TMEFF2: variants seen among roughly 807,000 people sequenced by gnomAD.
The protein encoded by TMEFF2 is transmembrane protein with EGF like and two follistatin like domains 2, also known as tomoregulin-2.
A neutral mutation model predicts 53.8 loss-of-function variants in TMEFF2; 28 were observed. The ratio of observed to expected loss-of-function variants is 0.52; its 90% CI spans 0.39 to 0.71. The LOEUF is 0.71. TMEFF2 is among the 30% of genes least tolerant of loss of function. TMEFF2 has a pLI of 0.00. For synonymous variants in TMEFF2, 162 were observed against 166.3 expected (o/e 0.97, Z 0.20); for missense variants, 353 against 455.2 (o/e 0.78, Z 2.04).
intron 4 of TMEFF2, among the ~76,000 whole-genome samples, chr2:192,071,923 ATGATAG>A (rs1163632807): frequency 6.6e-6 from 1 of 151,964 alleles, no homozygotes; most frequent in African/African-American, 2.4e-5. Context: ...ACTGAGAAAA[ATGATAG>A]TGATGTGGAG....
intron 5 of TMEFF2, among the ~76,000 whole-genome samples, chr2:192,056,515 A>G (rs749676889): frequency 2.6e-5 from 4 of 152,198 alleles, no homozygotes; most frequent in Non-Finnish European, 5.9e-5. Flanking sequence ...TGAGTTATTC[A>G]CTTTTCAATG....
intron 4 of TMEFF2, among the ~76,000 whole-genome samples, chr2:192,061,753 G>C (rs1688049489): frequency 6.6e-6 from 1 of 152,088 alleles, no homozygotes; most frequent in Non-Finnish European, 1.5e-5. Flanking sequence ...ATGGCTTAGG[G>C]CCATACCCTT....
At chr2:191,966,818 A>T (rs1042501016) in intron 7 of TMEFF2, among the ~76,000 whole-genome samples, 2 of 152,200 alleles carry the variant, frequency 1.3e-5, no homozygotes, top group Non-Finnish European at 2.9e-5. Flanking sequence ...ATACTTGATG[A>T]TACTGTGATA....
chr2:191,980,061 T>G (rs1170365707), intron 7 of TMEFF2, among the ~76,000 whole-genome samples: 1 of 152,202 alleles, frequency 6.6e-6, no homozygotes, highest in Non-Finnish European at 1.5e-5. Flanking sequence ...AAATAATTAC[T>G]GAGAGTCTAC....
At chr2:192,134,708 C>T (rs1388220705) in intron 4 of TMEFF2, among the ~76,000 whole-genome samples, 2 of 152,198 alleles carry the variant, frequency 1.3e-5, no homozygotes, top group African/African-American at 4.8e-5. Flanking sequence ...TCTAAGTAGA[C>T]ACTTTCACTA....
chr2:191,994,943 T>C (rs897493002), intron 7 of TMEFF2, among the ~76,000 whole-genome samples: 4 of 151,962 alleles, frequency 2.6e-5, no homozygotes, highest in African/African-American at 9.7e-5. Context: ...AGAATAGAGA[T>C]CCAAATCAAA....
At chr2:191,978,141 T>G (rs1014227069) in intron 7 of TMEFF2, among the ~76,000 whole-genome samples, 2 of 152,168 alleles carry the variant, frequency 1.3e-5, no homozygotes, top group African/African-American at 4.8e-5. Flanking sequence ...AGGGATTTGT[T>G]TGGGTTCCTT....
chr2:191,991,895 A>G (rs558344056), intron 7 of TMEFF2, among the ~76,000 whole-genome samples: 1 of 152,246 alleles, frequency 6.6e-6, no homozygotes, highest in South Asian at 2.1e-4. Flanking sequence ...TGAACATAAC[A>G]TAATATTACA....
At chr2:192,137,337 G>C (rs2105985663) in intron 4 of TMEFF2, among the ~76,000 whole-genome samples, 1 of 152,270 alleles carries the variant, frequency 6.6e-6, no homozygotes, top group Non-Finnish European at 1.5e-5. Context: ...AAAAGGCCTG[G>C]GGCAGAAAAG....
intron 4 of TMEFF2, among the ~76,000 whole-genome samples, chr2:192,080,612 TG>T (rs1316841011): frequency 1.3e-5 from 2 of 152,208 alleles, no homozygotes; most frequent in Non-Finnish European, 2.9e-5. Flanking sequence ...TAAGTCAATT[TG>T]ATATTTCCAG....
chr2:192,120,778 C>G (rs1689532413), intron 4 of TMEFF2, among the ~76,000 whole-genome samples: 1 of 151,900 alleles, frequency 6.6e-6, no homozygotes, highest in Admixed American at 6.6e-5. Flanking sequence ...GCTCTGTCGC[C>G]CAGGCTGGAG....
chr2:192,102,956 G>A (rs1689067399), intron 4 of TMEFF2, among the ~76,000 whole-genome samples: 1 of 151,156 alleles, frequency 6.6e-6, no homozygotes, highest in Non-Finnish European at 1.5e-5. Context: ...TTTTCTATGA[G>A]CATTCCGTGG....
At chr2:192,020,379 T>C (rs577432216) in intron 5 of TMEFF2, among the ~76,000 whole-genome samples, 2 of 152,242 alleles carry the variant, frequency 1.3e-5, no homozygotes, top group South Asian at 2.1e-4. Context: ...CGTTATTTCA[T>C]GAACATTTTC....
rs542583723 is a variant in TMEFF2, at chr2:192,109,236, TGA to T, written c.440-51463_440-51462del. ...AACAATATGAAATAAATAATTAGTA[TGA>T]GAGTTCATGTACTATATTCTTATTT... On this transcript the variant is annotated intron_variant, in intron 4 of 9. Coordinates refer to ENST00000272771, the MANE Select transcript of TMEFF2 (RefSeq NM_016192.4). Among the ~76,000 whole-genome samples the T allele has an allele frequency of 1.5e-3, 222 of 152,182 alleles. 1 individual carries two copies. The highest frequency in any genetic ancestry group is 5.1e-3 in the African/African-American group (214 of 41,564).
intron 4 of TMEFF2, among the ~76,000 whole-genome samples, chr2:192,160,444 C>G (rs564480808): frequency 6.6e-6 from 1 of 152,152 alleles, no homozygotes; most frequent in East Asian, 1.9e-4. Context: ...CAACTCTGGA[C>G]TAAGAAACTG....
At chr2:192,166,090 G>A (rs373840802) in intron 4 of TMEFF2, among the ~76,000 whole-genome samples, 96 of 152,276 alleles carry the variant, frequency 6.3e-4, no homozygotes, top group African/African-American at 2.2e-3. Flanking sequence ...GGGAGTATAG[G>A]TGTGTTGAGC....
intron 7 of TMEFF2, among the ~76,000 whole-genome samples, chr2:191,963,744 AT>A (rs1692336118): frequency 2.0e-5 from 3 of 152,202 alleles, no homozygotes; most frequent in African/African-American, 4.8e-5. Context: ...CGCTAAAGCT[AT>A]TGGTTGTCGC....
chr2:192,092,122 T>C (rs1371336682), intron 4 of TMEFF2, among the ~76,000 whole-genome samples: 2 of 152,146 alleles, frequency 1.3e-5, no homozygotes, highest in Non-Finnish European at 2.9e-5. Context: ...ACTGGCTAGA[T>C]ATTATATTCA....
At chr2:192,013,807 G>A (rs1204104952) in intron 5 of TMEFF2, among the ~76,000 whole-genome samples, 1 of 152,140 alleles carries the variant, frequency 6.6e-6, no homozygotes, top group Non-Finnish European at 1.5e-5. Context: ...CTTACACATA[G>A]AAAGTGACCT....
Sources: gnomAD v4.1 joint callset for allele counts (sites outside exome capture counted in the v4.1 genomes callset) on GRCh38, gnomAD v4.1.1 for gene constraint, MANE v1.5 for transcripts, NCBI Gene and HGNC (gene_info 2026-07-23, HGNC 2026-07-21) for gene names.